Variants in LDLRAD4 observed in about 807,000 individuals in gnomAD.
LDLRAD4 encodes the protein low density lipoprotein receptor class A domain containing 4, also known as low-density lipoprotein receptor class A domain-containing protein 4.
A neutral mutation model predicts 17.0 loss-of-function variants in LDLRAD4; 5 were observed. The observed-to-expected ratio is 0.29, with a 90% CI of 0.15 to 0.62. The LOEUF is 0.62. Among genes scored for constraint, LDLRAD4 ranks in the 20% least tolerant of loss-of-function variants. LDLRAD4 has a pLI of 0.84. For missense variants in LDLRAD4, 340 were observed against 424.7 expected, an observed-to-expected ratio of 0.80 and a Z score of 1.75; for synonymous variants, 168 against 171.8, an observed-to-expected ratio of 0.98 and a Z score of 0.17.
intron 3 of LDLRAD4, among the ~76,000 whole-genome samples, chr18:13,619,243 C>T (rs1036827362): frequency 1.3e-5 from 2 of 152,118 alleles, no homozygotes; most frequent in African/African-American, 2.4e-5. Flanking sequence ...CTGAGAAACA[C>T]AGGGTCAAGG....
At chr18:13,637,815 A>C (rs56069432) in intron 4 of LDLRAD4, among the ~76,000 whole-genome samples, 1 of 150,144 alleles carries the variant, frequency 6.7e-6, no homozygotes, top group African/African-American at 2.5e-5. Flanking sequence ...GCAGTGAGCC[A>C]AGATCATGCC....
intron 3 of LDLRAD4, among the ~76,000 whole-genome samples, chr18:13,607,161 G>A (rs777896390): frequency 2.0e-5 from 3 of 152,206 alleles, no homozygotes; most frequent in African/African-American, 2.4e-5. Flanking sequence ...GGATGGGAGT[G>A]TCAGAGTCAG....
rs1393272214 is a variant in LDLRAD4, at chr18:13,622,517, C to T, written c.336+1246C>T. ...CCCCTTCTGTCCTCTCTCTGGATGC[C>T]CAGTTCAGTCCACAAGCCCCTCTGG... On this transcript the variant is annotated intron_variant, in intron 4 of 5. Transcript: ENST00000359446. This position sits in a 1 kb window ranked among gnomAD's most constrained non-coding sequence, Gnocchi z 5.3. 7.9e-5 allele frequency among the ~76,000 whole-genome samples: 12 copies of T among 152,140 alleles called. No individual in the cohort carries two copies. Among genetic ancestry groups the T allele is most frequent in the Admixed American group, 7.9e-4 (12 of 15,278 alleles).
At chr18:13,603,882 G>A (rs1014944960) in intron 3 of LDLRAD4, among the ~76,000 whole-genome samples, 5 of 152,214 alleles carry the variant, frequency 3.3e-5, no homozygotes, top group Admixed American at 6.5e-5. Context: ...GCAGTGCATC[G>A]TGGTGGCCGG....
intron 1 of LDLRAD4, among the ~76,000 whole-genome samples, chr18:13,313,221 T>A (rs2080745433): frequency 6.6e-6 from 1 of 152,232 alleles, no homozygotes; most frequent in African/African-American, 2.4e-5. Flanking sequence ...GTGTCCTTAT[T>A]TGCAGAGTCC....
At chr18:13,499,476 TCC>T (rs2093571837) in intron 3 of LDLRAD4, among the ~76,000 whole-genome samples, 3 of 143,350 alleles carry the variant, frequency 2.1e-5, no homozygotes, top group African/African-American at 8.0e-5. Context: ...CTCACACACG[TCC>T]CGCCGTGGAT....
chr18:13,288,007 A>T (rs2146357719), intron 1 of LDLRAD4, among the ~76,000 whole-genome samples: 1 of 152,336 alleles, frequency 6.6e-6, no homozygotes, highest in Non-Finnish European at 1.5e-5. Context: ...CAGATAAATG[A>T]CCAGATGCTA....
At chr18:13,579,430 T>G (rs921027690) in intron 3 of LDLRAD4, among the ~76,000 whole-genome samples, 1 of 152,204 alleles carries the variant, frequency 6.6e-6, no homozygotes, top group Admixed American at 6.5e-5. Flanking sequence ...GGAAGTGACT[T>G]CCTCCTACCT....
intron 3 of LDLRAD4, among the ~76,000 whole-genome samples, chr18:13,531,650 T>C (rs114763315): frequency 0.01 from 1,529 of 148,682 alleles, 31 homozygotes; most frequent in African/African-American, 0.037. Flanking sequence ...GGGGAGAGGT[T>C]GTCTGGCTCT....
chr18:13,403,819 G>A (rs984397342), intron 2 of LDLRAD4, among the ~76,000 whole-genome samples: 1 of 152,250 alleles, frequency 6.6e-6, no homozygotes, highest in Non-Finnish European at 1.5e-5. Context: ...GCATGGGGAG[G>A]CCATGACCTT....
intron 3 of LDLRAD4, among the ~76,000 whole-genome samples, chr18:13,466,280 G>C (rs1600557600): frequency 6.6e-6 from 1 of 152,132 alleles, no homozygotes. Flanking sequence ...AGACTAACCT[G>C]GGCAACATGG....
chr18:13,394,077 C>T (rs1328899067), intron 2 of LDLRAD4, among the ~76,000 whole-genome samples: 1 of 152,178 alleles, frequency 6.6e-6, no homozygotes, highest in South Asian at 2.1e-4. Flanking sequence ...GCTTTTTCTG[C>T]AGGGAAGTTA....
chr18:13,639,232 G>A (rs1261452797), intron 4 of LDLRAD4, among the ~76,000 whole-genome samples: 7 of 152,164 alleles, frequency 4.6e-5, no homozygotes, highest in Non-Finnish European at 1.0e-4. Flanking sequence ...CCATCTGAGC[G>A]GCAGCCAGCT....
At chr18:13,232,244 C>A (rs4797745) in intron 1 of LDLRAD4, among the ~76,000 whole-genome samples, 1 of 152,120 alleles carries the variant, frequency 6.6e-6, no homozygotes, top group Non-Finnish European at 1.5e-5. Context: ...GAGTATGTCC[C>A]AGGTCCTGAG....
intron 1 of LDLRAD4, among the ~76,000 whole-genome samples, chr18:13,265,278 G>A (rs1022399185): frequency 1.6e-4 from 25 of 152,118 alleles, no homozygotes; most frequent in Non-Finnish European, 3.5e-4. Context: ...TCTGAGAACC[G>A]CCTTACCACC....
At chr18:13,247,380 A>G (rs921098210) in intron 1 of LDLRAD4, among the ~76,000 whole-genome samples, 3 of 152,252 alleles carry the variant, frequency 2.0e-5, no homozygotes, top group Non-Finnish European at 2.9e-5. Flanking sequence ...AAAACTGCTA[A>G]CGAAAACCAT....
In LDLRAD4 at chr18:13,621,018, A is replaced by T; in HGVS notation, c.182-99A>T. The T allele has an allele frequency of 1.3e-6, 2 of 1,528,130 alleles. No homozygotes were observed. Among genetic ancestry groups the T allele is most frequent in the Non-Finnish European group, 1.8e-6 (2 of 1,110,034 alleles). The allele number at this position is 1,528,130 out of a possible 1,614,324, so 94.7% of individuals were successfully genotyped here. A position where few individuals can be genotyped will look rare whatever the true frequency, so the allele number is the denominator to read the frequency against. On this transcript the variant is annotated intron_variant, in intron 3 of 5. Transcript: ENST00000359446. The surrounding 1 kb of genome is among the most constrained non-coding windows in gnomAD (Gnocchi z 5.5). ...CCTCTGAGGAACAGACGTGTGTGAG[A>T]GGCCTTCAGGGCCTGATGGCTGGGG...
chr18:13,573,500 A>G (rs1315045261), intron 3 of LDLRAD4, among the ~76,000 whole-genome samples: 1 of 152,226 alleles, frequency 6.6e-6, no homozygotes, highest in Non-Finnish European at 1.5e-5. Context: ...TCGGCCTCCC[A>G]AAGTGCTGGG....
At chr18:13,472,412 T>C (rs12958762) in intron 3 of LDLRAD4, 44,436 of 152,224 alleles carry the variant, frequency 0.29, 7,022 homozygotes, top group East Asian at 0.48. Flanking sequence ...GTTCATGAAA[T>C]GCTCCAGCAT....
Sources: allele counts gnomAD v4.1 joint callset (sites outside exome capture counted in the v4.1 genomes callset), GRCh38; gene constraint gnomAD v4.1.1; non-coding constraint Gnocchi (gnomAD v3.1); transcripts MANE v1.5; gene names NCBI Gene and HGNC (gene_info 2026-07-23, HGNC 2026-07-21).